Variants in TBXAS1 observed in about 807,000 individuals in gnomAD.
TBXAS1 encodes thromboxane-A synthase.
A neutral mutation model predicts 60.7 loss-of-function variants in TBXAS1; 48 were observed. That is an observed-to-expected ratio of 0.79 (90% confidence interval 0.63 to 1.01). The LOEUF (loss-of-function observed/expected upper bound fraction) is 1.01, where lower values mean the gene tolerates loss of function less well. TBXAS1 is among the 50% of genes least tolerant of loss of function. The probability of loss-of-function intolerance (pLI) is 0.00; values close to 1 mark genes in which losing one functional copy is unlikely to be tolerated. For missense variants in TBXAS1, 685 were observed against 686.3 expected, an observed-to-expected ratio of 1.00 and a Z score of 0.02; for synonymous variants, 287 against 269.7, an observed-to-expected ratio of 1.06 and a Z score of -0.63.
chr7:139,949,223 T>C lies in TBXAS1; in HGVS notation c.451-4145T>C, dbSNP rs573791706. On this transcript the variant is annotated intron_variant, in intron 5 of 12. Coordinates refer to ENST00000448866, the MANE Select transcript of TBXAS1 (RefSeq NM_001061.7). Reference sequence around the variant, plus strand: ...ATACACAGGGCATGCCTCTGAAGAGTTGTGTGTAAATCACATTTTATGTTC... The same window carrying C: ...ATACACAGGGCATGCCTCTGAAGAGCTGTGTGTAAATCACATTTTATGTTC... Among the ~76,000 whole-genome samples, 68 of 152,250 alleles carry C rather than the reference T, an allele frequency of 4.5e-4. No individual in the cohort carries two copies. The South Asian group carries it at 0.014, about 31-fold the overall frequency.
At chr7:140,017,915 C>A (rs1180031875) in intron 12 of TBXAS1, 82 bp downstream of exon 12, 1 of 1,592,672 alleles carries the variant, frequency 6.3e-7, no homozygotes, top group Non-Finnish European at 8.6e-7. Context: ...GCAGGCCAGC[C>A]TGGGGGCAAC....
intron 9 of TBXAS1, among the ~76,000 whole-genome samples, chr7:139,973,555 C>CT (rs8192843): frequency 0.04 from 5,510 of 137,484 alleles, 140 homozygotes; most frequent in South Asian, 0.084. Context: ...GGTGAGCTTT[C>CT]TTTTTTTTTT....
At chr7:139,957,180 G>T (rs1404008070) in intron 7 of TBXAS1, among the ~76,000 whole-genome samples, 2 of 152,224 alleles carry the variant, frequency 1.3e-5, no homozygotes, top group Non-Finnish European at 2.9e-5. Flanking sequence ...CAATTCAGGA[G>T]GTCATGCTGG....
At chr7:139,859,118 G>A (rs926412749) in intron 1 of TBXAS1, among the ~76,000 whole-genome samples, 1 of 151,692 alleles carries the variant, frequency 6.6e-6, no homozygotes, top group East Asian at 1.9e-4. Flanking sequence ...CAGGTGATCC[G>A]CCTGCCTCTG....
chr7:139,966,332 C>A (rs893951578), intron 9 of TBXAS1, among the ~76,000 whole-genome samples: 1 of 152,340 alleles, frequency 6.6e-6, no homozygotes, highest in South Asian at 2.1e-4. Flanking sequence ...TCAGTTCAGA[C>A]TCTTCTGTGG....
intron 3 of TBXAS1, among the ~76,000 whole-genome samples, chr7:139,908,021 T>C (rs768397323): frequency 3.3e-5 from 5 of 152,078 alleles, no homozygotes; most frequent in Non-Finnish European, 7.4e-5. Flanking sequence ...ATTCCTGATG[T>C]TGGTGTTTTG....
At chr7:139,806,069 G>A (rs1229423664) in intron 4 of TBXAS1, among the ~76,000 whole-genome samples, 1 of 150,812 alleles carries the variant, frequency 6.6e-6, no homozygotes, top group Admixed American at 6.6e-5. Flanking sequence ...CAAGTAGCTG[G>A]GACTACAGGC....
intron 4 of TBXAS1, among the ~76,000 whole-genome samples, chr7:139,920,420 GC>G (rs1307909715): frequency 1.7e-4 from 26 of 152,012 alleles, no homozygotes; most frequent in Admixed American, 1.6e-3. Context: ...GGGCCCATAG[GC>G]CCTAAAAGGG....
At chr7:139,788,912 G>A (rs994991378) in intron 4 of TBXAS1, among the ~76,000 whole-genome samples, 3 of 152,212 alleles carry the variant, frequency 2.0e-5, no homozygotes, top group African/African-American at 7.2e-5. Flanking sequence ...CAATAGAGAA[G>A]CACTGAATAT....
At chr7:139,977,293 A>G (rs1040034445) in intron 9 of TBXAS1, among the ~76,000 whole-genome samples, 2 of 152,216 alleles carry the variant, frequency 1.3e-5, no homozygotes, top group Admixed American at 6.5e-5. Context: ...AAAGAGGAGC[A>G]AGTCACATCT....
chr7:139,913,316 C>T (rs182962866), intron 4 of TBXAS1: 12 of 589,590 alleles, frequency 2.0e-5, no homozygotes, highest in Non-Finnish European at 3.4e-5. Flanking sequence ...GCTTGTTGCT[C>T]CATCAGCCTC....
chr7:139,993,888 C>CTTTTTTTTTTTTTT (rs1297350500), intron 9 of TBXAS1, among the ~76,000 whole-genome samples: 2 of 137,730 alleles, frequency 1.5e-5, no homozygotes, highest in African/African-American at 5.5e-5. Flanking sequence ...CTTTTTCTTT[C>CTTTTTTTTTTTTTT]TTTCTTTTTT....
At chr7:139,942,818 G>A (rs937792308) in intron 5 of TBXAS1, among the ~76,000 whole-genome samples, 5 of 152,258 alleles carry the variant, frequency 3.3e-5, no homozygotes, top group East Asian at 3.9e-4. Flanking sequence ...GATGTTCCCC[G>A]TCAAGAAGGC....
At chr7:139,927,645 T>C (rs1413560380) in intron 4 of TBXAS1, among the ~76,000 whole-genome samples, 1 of 152,202 alleles carries the variant, frequency 6.6e-6, no homozygotes, top group Non-Finnish European at 1.5e-5. Context: ...TTCCAAACTA[T>C]GAATGTGGAA....
chr7:139,808,880 C>A (rs921673107), intron 4 of TBXAS1, among the ~76,000 whole-genome samples: 1 of 151,808 alleles, frequency 6.6e-6, no homozygotes, highest in Non-Finnish European at 1.5e-5. Context: ...ATTGATGGTG[C>A]CTTTTCTGTT....
intron 1 of TBXAS1, among the ~76,000 whole-genome samples, chr7:139,858,005 A>G (rs1800701989): frequency 6.6e-6 from 1 of 152,130 alleles, no homozygotes; most frequent in East Asian, 1.9e-4. Context: ...AAACACTGGG[A>G]TTATGGGTGT....
chr7:139,862,318 G>A (rs1332025628), intron 1 of TBXAS1, among the ~76,000 whole-genome samples: 1 of 152,066 alleles, frequency 6.6e-6, no homozygotes, highest in East Asian at 1.9e-4. Context: ...CAGGAGGAGT[G>A]GTATCATGGA....
At chr7:140,001,448 G>A (rs528775784) in intron 9 of TBXAS1, among the ~76,000 whole-genome samples, 34 of 152,296 alleles carry the variant, frequency 2.2e-4, no homozygotes, top group African/African-American at 6.3e-4. Flanking sequence ...CTGTAGTGCA[G>A]TGGCACTATC....
intron 9 of TBXAS1, among the ~76,000 whole-genome samples, chr7:139,983,725 C>T (rs959432684): frequency 7.9e-5 from 12 of 152,286 alleles, no homozygotes; most frequent in African/African-American, 2.6e-4. Flanking sequence ...CCGCCCACTC[C>T]GCACACATTT....
Sources: allele counts gnomAD v4.1 joint callset (sites outside exome capture counted in the v4.1 genomes callset), GRCh38; gene constraint gnomAD v4.1.1; transcripts MANE v1.5; gene names NCBI Gene and HGNC (gene_info 2026-07-23, HGNC 2026-07-21).